MYH11: variants seen among roughly 807,000 people sequenced by gnomAD.
MYH11 encodes myosin-11.
MYH11 carries 80 observed loss-of-function variants against 246.6 expected under a neutral mutation model. That is an observed-to-expected ratio of 0.32 (90% CI 0.27 to 0.39). The LOEUF is 0.39. Ranked by LOEUF, MYH11 falls within the 10% of genes least tolerant of loss-of-function variation. MYH11 has a pLI of 1.00. For synonymous variants in MYH11, 1,071 were observed against 1,015.5 expected, an observed-to-expected ratio of 1.05 and a Z score of -1.04; for missense variants, 2,158 against 2,546.8, an observed-to-expected ratio of 0.85 and a Z score of 3.29.
intron 2 of MYH11, among the ~76,000 whole-genome samples, chr16:15,831,224 CA>C: frequency 6.6e-6 from 1 of 152,062 alleles, no homozygotes; most frequent in Middle Eastern, 3.4e-3. Context: ...CATATGTAAC[CA>C]GCAACCACAG....
chr16:15,710,334 A>C (rs531777565), intron 40 of MYH11, among the ~76,000 whole-genome samples: 2 of 152,244 alleles, frequency 1.3e-5, no homozygotes, highest in South Asian at 2.1e-4. Context: ...CATCCCAGCC[A>C]GTATGGTGAA....
chr16:15,716,870 A>G (rs1287316250), intron 38 of MYH11, among the ~76,000 whole-genome samples: 1 of 150,856 alleles, frequency 6.6e-6, no homozygotes, highest in African/African-American at 2.5e-5. Context: ...GAAAAGTCAT[A>G]TGTACTGCTG....
At chr16:15,749,714 C>A in intron 16 of MYH11, 1 of 258,484 alleles carries the variant, frequency 3.9e-6, no homozygotes. Flanking sequence ...GACTAACAGC[C>A]CCCTCCTGGT....
chr16:15,732,290 A>G (rs911381509), intron 27 of MYH11, among the ~76,000 whole-genome samples: 3 of 151,368 alleles, frequency 2.0e-5, no homozygotes, highest in Non-Finnish European at 2.9e-5. Context: ...AGTAGAAACA[A>G]GGTCTCACTA....
chr16:15,721,024 C>T lies in MYH11; in HGVS notation c.4606G>A (p.Ala1536Thr), dbSNP rs373815046. 11 of 1,613,936 alleles carry T rather than the reference C, an allele frequency of 6.8e-6. No homozygotes were observed. The African/African-American group carries it at 1.1e-4, about 16-fold the overall frequency. The change falls in exon 33 of 41, where the codon GCC becomes ACC. Residue 1536 changes from alanine to threonine, a missense_variant. Coordinates refer to ENST00000300036, the MANE Select transcript of MYH11 (RefSeq NM_002474.3). ...ATCTCCTCCATCTGGGTCTCCAGGG[C>T]CCGCTTGGACTTCTCCAGCTCATGG... ...NVHELEKSKR[A>T]LETQMEEMKT...
At chr16:15,752,136 A>C (rs1369558092) in intron 15 of MYH11, among the ~76,000 whole-genome samples, 1 of 151,884 alleles carries the variant, frequency 6.6e-6, no homozygotes, top group Non-Finnish European at 1.5e-5. Context: ...CATCTCTCCC[A>C]CAAGACTGTG....
chr16:15,763,741 T>TGGGGGGCCCC, intron 10 of MYH11, 55 bp downstream of exon 10: 6 of 646,822 alleles, frequency 9.3e-6, no homozygotes, highest in Non-Finnish European at 1.7e-5. Flanking sequence ...AAATGTCACC[T>TGGGGGGCCCC]CCCCCACCCC....
chr16:15,765,436 G>A (rs982059236), intron 9 of MYH11, among the ~76,000 whole-genome samples: 3 of 151,970 alleles, frequency 2.0e-5, no homozygotes, highest in Non-Finnish European at 2.9e-5. Flanking sequence ...ATTGATGGAT[G>A]GATGATGGAT....
chr16:15,734,317 T>TG lies in MYH11; in HGVS notation c.3506+1048dup, dbSNP rs1379510681. ...TTTTGTTTTTTGTTTTTTTTTGAGATGGAGTCTCACTCACTGTGTCACCCA... is the reference window on the plus strand; with the variant it reads ...TTTTGTTTTTTGTTTTTTTTTGAGATGGGAGTCTCACTCACTGTGTCACCCA... On this transcript the variant is annotated intron_variant, in intron 26 of 40. Coordinates refer to ENST00000300036, the MANE Select transcript of MYH11 (RefSeq NM_002474.3). 6.6e-5 allele frequency among the ~76,000 whole-genome samples: 10 copies of TG among 151,916 alleles called. No homozygotes were observed. The East Asian group carries it at 1.2e-3, about 18-fold the overall frequency.
At chr16:15,735,220 T>C (rs991483506) in intron 26 of MYH11, 146 bp downstream of exon 26, 17 of 796,244 alleles carry the variant, frequency 2.1e-5, no homozygotes, top group Non-Finnish European at 3.1e-5. Flanking sequence ...CAGCCAACCA[T>C]GCTTCTATAA....
Position 15,728,728 on chromosome 16 carries a change from C to T in MYH11, c.3652-1674G>A, listed in dbSNP as rs187383305. Among the ~76,000 whole-genome samples, 428 of 152,074 alleles carry T rather than the reference C, an allele frequency of 2.8e-3. 2 individuals are homozygous for T. The highest frequency in any genetic ancestry group is 9.7e-3 in the African/African-American group (404 of 41,474). On this transcript the variant is annotated intron_variant, in intron 27 of 40. Transcript: ENST00000300036. ...CAGCCTGGCCAACATGGTGAAACCC[C>T]GTCTCTACTAAAAATATAAAAATTA...
intron 5 of MYH11, chr16:15,782,882 C>A (rs750740034): frequency 5.0e-5 from 9 of 180,708 alleles, no homozygotes; most frequent in South Asian, 1.3e-4. Context: ...GTTTAACAAG[C>A]AGCCTTCTTC....
chr16:15,775,551 G>C (rs1384589624), intron 8 of MYH11, among the ~76,000 whole-genome samples: 2 of 152,204 alleles, frequency 1.3e-5, no homozygotes, highest in Non-Finnish European at 2.9e-5. Context: ...AGCTGTGCCA[G>C]AAGCCACCTG....
intron 2 of MYH11, among the ~76,000 whole-genome samples, chr16:15,832,243 G>C (rs192359259): frequency 1.2e-4 from 19 of 152,288 alleles, no homozygotes; most frequent in African/African-American, 4.6e-4. Context: ...TGGGGTTCAT[G>C]GTTCAGGGAC....
chr16:15,828,244 C>T (rs892697646), intron 2 of MYH11, among the ~76,000 whole-genome samples: 6 of 152,190 alleles, frequency 3.9e-5, no homozygotes, highest in Non-Finnish European at 7.3e-5. Context: ...CGAGATAATG[C>T]TCGAAAAGCA....
At chr16:15,730,387 A>G (rs985140377) in intron 27 of MYH11, among the ~76,000 whole-genome samples, 3 of 151,268 alleles carry the variant, frequency 2.0e-5, no homozygotes, top group African/African-American at 7.3e-5. Flanking sequence ...AAAAAAAAAA[A>G]AAAAATTAGC....
rs1488539058 is a variant in MYH11, at chr16:15,737,541, G to T, written c.3201C>A (p.Phe1067Leu). Residue 1067 changes from phenylalanine to leucine, a missense_variant, in exon 25 of 41, where the codon TTC becomes TTA. By Grantham distance (22) the Phe-to-Leu change is conservative. Around this residue, in one of 11 missense-constraint regions of MYH11, gnomAD observed 284 missense variants for 315.4 expected, o/e 0.90. Transcript: ENST00000300036. ...KRKLEGDASD[F>L]HEQIADLQAQ... Reference sequence around the variant, plus strand: ...CCTGGAGGTCAGCGATCTGCTCGTGGAAGTCGCTGGCATCACCCTCCAGCT... The same window carrying T: ...CCTGGAGGTCAGCGATCTGCTCGTGTAAGTCGCTGGCATCACCCTCCAGCT... 1.2e-6 allele frequency: 2 copies of T among 1,614,028 alleles called. No homozygotes were observed. Among genetic ancestry groups the T allele is most frequent in the Non-Finnish European group, 1.7e-6 (2 of 1,180,024 alleles).
In MYH11 at chr16:15,719,402, T is replaced by C. The variant is rs545463577; in HGVS notation, c.5083-94A>G. The C allele has an allele frequency of 8.7e-6, 13 of 1,497,736 alleles. No homozygotes were observed. In the African/African-American group the frequency reaches 1.8e-4, roughly 21 times the overall value. 92.8% of individuals were successfully genotyped at this position (1,497,736 alleles called of 1,614,324 possible). ...CAACTCAGCCACCCTTGAAAGTACA[T>C]GTTCTTCCTCTGAGCTCAGGGGAGG... On this transcript the variant is annotated intron_variant, in intron 35 of 40. Coordinates refer to ENST00000300036, the MANE Select transcript of MYH11 (RefSeq NM_002474.3).
chr16:15,714,694 A>G, intron 40 of MYH11: 2 of 636,496 alleles, frequency 3.1e-6, no homozygotes, highest in South Asian at 3.7e-5. Context: ...TAAAGGATCT[A>G]GAAGGTTAGC....
Sources: allele counts gnomAD v4.1 joint callset (sites outside exome capture counted in the v4.1 genomes callset), GRCh38; gene constraint gnomAD v4.1.1; regional missense constraint gnomAD v4.1.1; transcripts MANE v1.5; gene names NCBI Gene and HGNC (gene_info 2026-07-23, HGNC 2026-07-21).